Variants in GALNTL6 observed in about 807,000 individuals in gnomAD.
GALNTL6 encodes polypeptide N-acetylgalactosaminyltransferase like 6, also known as polypeptide N-acetylgalactosaminyltransferase-like 6.
GALNTL6 carries 46 observed loss-of-function variants against 73.7 expected under a neutral mutation model. The observed-to-expected ratio is 0.62, with a 90% confidence interval of 0.49 to 0.80. The LOEUF (loss-of-function observed/expected upper bound fraction) is 0.80, where lower values mean the gene tolerates loss of function less well. GALNTL6 is among the 30% of genes least tolerant of loss of function. The pLI is 0.00. For missense variants in GALNTL6, 604 were observed against 755.0 expected (o/e 0.80, Z 2.34); for synonymous variants, 259 against 263.7 (o/e 0.98, Z 0.17).
At chr4:172,742,034 AC>A (rs1480578885) in intron 5 of GALNTL6, among the ~76,000 whole-genome samples, 1 of 152,014 alleles carries the variant, frequency 6.6e-6, no homozygotes, top group Non-Finnish European at 1.5e-5. Flanking sequence ...CATACATACA[AC>A]AAAAAAGAAA....
rs893557622 is a variant in GALNTL6 at position 171,832,482 on chromosome 4, G to A, written c.138+17764G>A. ...GTGACATTGAATAGATAGGGAGGTA[G>A]ATAGATAGGTAGAGAGATAGATAGA... On this transcript the variant is annotated intron_variant, in intron 2 of 12. Coordinates refer to ENST00000506823, the MANE Select transcript of GALNTL6 (RefSeq NM_001034845.3). 2.6e-5 allele frequency among the ~76,000 whole-genome samples: 4 copies of A among 151,376 alleles called. No homozygotes were observed. The East Asian group carries it at 7.7e-4, about 29-fold the overall frequency.
At chr4:172,788,446 G>C (rs1217199446) in intron 5 of GALNTL6, among the ~76,000 whole-genome samples, 1 of 152,076 alleles carries the variant, frequency 6.6e-6, no homozygotes, top group South Asian at 2.1e-4. Flanking sequence ...GCCGAGACGG[G>C]TGGATCACAA....
intron 2 of GALNTL6, among the ~76,000 whole-genome samples, chr4:171,952,442 C>G (rs1416323283): frequency 2.0e-5 from 3 of 151,554 alleles, no homozygotes; most frequent in African/African-American, 7.3e-5. Context: ...AATTATAAAC[C>G]AATCTCAACT....
chr4:172,630,854 T>A (rs186506399), intron 5 of GALNTL6, among the ~76,000 whole-genome samples: 9 of 150,908 alleles, frequency 6.0e-5, no homozygotes, highest in African/African-American at 2.2e-4. Context: ...ATATATGTTA[T>A]ATACATATAT....
intron 2 of GALNTL6, among the ~76,000 whole-genome samples, chr4:172,113,770 C>T (rs1346181222): frequency 6.6e-6 from 1 of 152,066 alleles, no homozygotes; most frequent in Non-Finnish European, 1.5e-5. Context: ...ACAAGACCCT[C>T]TGGAGTCCTC....
chr4:173,035,372 T>G (rs1362105297), intron 12 of GALNTL6, among the ~76,000 whole-genome samples: 1 of 139,408 alleles, frequency 7.2e-6, no homozygotes, highest in Admixed American at 7.3e-5. Context: ...CAGACGGGAT[T>G]TCCCCATGTT....
intron 2 of GALNTL6, among the ~76,000 whole-genome samples, chr4:172,225,757 AAAATAAAT>A (rs569716878): frequency 5.3e-5 from 8 of 151,998 alleles, no homozygotes; most frequent in African/African-American, 1.9e-4. Flanking sequence ...CCCAGTTTCA[AAAATAAAT>A]AAATAAATAA....
At chr4:172,962,929 T>C (rs1417669300) in intron 10 of GALNTL6, among the ~76,000 whole-genome samples, 1 of 152,132 alleles carries the variant, frequency 6.6e-6, no homozygotes, top group South Asian at 2.1e-4. Flanking sequence ...CGGTTTATTC[T>C]CAACACAGTC....
intron 2 of GALNTL6, among the ~76,000 whole-genome samples, chr4:171,875,031 G>T (rs1023172968): frequency 3.3e-5 from 5 of 152,166 alleles, no homozygotes; most frequent in African/African-American, 4.8e-5. Flanking sequence ...CTATCACCAT[G>T]AAATAGCTTT....
chr4:172,071,403 G>A lies in GALNTL6; in HGVS notation c.139-158253G>A, dbSNP rs962751159. Among the ~76,000 whole-genome samples, 3 of 109,908 alleles carry A rather than the reference G, an allele frequency of 2.7e-5. 1 individual carries two copies. Among genetic ancestry groups the A allele is most frequent in the African/African-American group, 1.0e-4 (3 of 29,150 alleles). 72.1% of individuals were successfully genotyped at this position (109,908 alleles called of 152,430 possible). ...ACACTGATGATAAATGTGTGCCATC[G>A]TTATTAAAACATTATCCTGTCAGAA... is the stretch of plus-strand genomic sequence containing the variant. On this transcript the variant is annotated intron_variant, in intron 2 of 12. Transcript: ENST00000506823.
chr4:172,401,990 AACAG>A (rs1744060070), intron 5 of GALNTL6, among the ~76,000 whole-genome samples: 1 of 150,220 alleles, frequency 6.7e-6, no homozygotes, highest in Non-Finnish European at 1.5e-5. Context: ...GATCTTTATT[AACAG>A]ACACAGAACT....
chr4:171,952,755 T>C (rs531700773), intron 2 of GALNTL6, among the ~76,000 whole-genome samples: 1 of 152,070 alleles, frequency 6.6e-6, no homozygotes, highest in Non-Finnish European at 1.5e-5. Context: ...TGAGTAAAAA[T>C]AAGGATCATT....
At chr4:172,148,500 A>G (rs2110755305) in intron 2 of GALNTL6, among the ~76,000 whole-genome samples, 1 of 152,318 alleles carries the variant, frequency 6.6e-6, no homozygotes, top group South Asian at 2.1e-4. Flanking sequence ...ATGGTACTGA[A>G]TAAAAGAGAA....
At chr4:172,029,790 C>A (rs572910938) in intron 2 of GALNTL6, among the ~76,000 whole-genome samples, 7 of 152,126 alleles carry the variant, frequency 4.6e-5, no homozygotes, top group Non-Finnish European at 7.4e-5. Flanking sequence ...CTGACTAGTT[C>A]TATGAACTCT....
At chr4:171,902,995 A>G (rs954347918) in intron 2 of GALNTL6, among the ~76,000 whole-genome samples, 1 of 152,140 alleles carries the variant, frequency 6.6e-6, no homozygotes, top group Non-Finnish European at 1.5e-5. Flanking sequence ...TCTTCATTAC[A>G]ATCATTACAG....
intron 2 of GALNTL6, among the ~76,000 whole-genome samples, chr4:172,128,852 CT>C (rs1249096320): frequency 6.6e-6 from 1 of 152,152 alleles, no homozygotes; most frequent in Non-Finnish European, 1.5e-5. Flanking sequence ...TTTTTTCCCC[CT>C]CTCCTATGTG....
At chr4:172,086,457 A>G (rs906544577) in intron 2 of GALNTL6, among the ~76,000 whole-genome samples, 2 of 152,150 alleles carry the variant, frequency 1.3e-5, no homozygotes, top group Non-Finnish European at 2.9e-5. Context: ...TTGACTTTAA[A>G]CTTGATTTTA....
chr4:172,368,760 C>T lies in GALNTL6; in HGVS notation c.553+20071C>T, dbSNP rs147491204. Among the ~76,000 whole-genome samples the T allele has an allele frequency of 4.8e-3, 725 of 152,256 alleles. 6 individuals are homozygous for T. Among genetic ancestry groups the T allele is most frequent in the African/African-American group, 0.016 (679 of 41,544 alleles). On this transcript the variant is annotated intron_variant, in intron 5 of 12. Coordinates refer to ENST00000506823, the MANE Select transcript of GALNTL6 (RefSeq NM_001034845.3). ...CTTCCCTCTGGTGGGTTCTTGGTCT[C>T]GCTGACTTCAAGAATGAAGCCGCGG...
At chr4:172,608,696 A>G (rs1407736419) in intron 5 of GALNTL6, among the ~76,000 whole-genome samples, 1 of 152,076 alleles carries the variant, frequency 6.6e-6, no homozygotes, top group Non-Finnish European at 1.5e-5. Context: ...TTTGTTTGAT[A>G]GGAATAGCAC....
Sources: allele counts gnomAD v4.1 joint callset (sites outside exome capture counted in the v4.1 genomes callset), GRCh38; gene constraint gnomAD v4.1.1; transcripts MANE v1.5; gene names NCBI Gene and HGNC (gene_info 2026-07-23, HGNC 2026-07-21).